Variants in SUPT3H observed in about 807,000 individuals in gnomAD.
SUPT3H encodes the protein transcription initiation protein SPT3 homolog.
Under a neutral mutation model 44.3 loss-of-function variants are expected in SUPT3H, and 44 were observed. That is an observed-to-expected ratio of 0.99 (90% CI 0.78 to 1.28). The LOEUF is 1.28. SUPT3H is among the 50% of genes most tolerant of loss of function. The probability of loss-of-function intolerance (pLI) is 0.00; values close to 1 mark genes in which losing one functional copy is unlikely to be tolerated. For synonymous variants in SUPT3H, 124 were observed against 125.6 expected (o/e 0.99, Z 0.09); for missense variants, 380 against 387.1 (o/e 0.98, Z 0.15).
At chr6:45,071,027 TAATCA>T (rs1794305557) in intron 3 of SUPT3H, among the ~76,000 whole-genome samples, 1 of 152,136 alleles carries the variant, frequency 6.6e-6, no homozygotes, top group Admixed American at 6.5e-5. Context: ...TGATAAAAAG[TAATCA>T]AACCAATACA....
rs546610392 is a variant in SUPT3H at position 45,156,699 on chromosome 6, T to A, written c.102-50693A>T. On this transcript the variant is annotated intron_variant, in intron 2 of 10. Transcript: ENST00000371459. ...TTTATGAGTATAACAAGAAATGAGTTTTTTAAAATGTCCCCATTCTATATT... is the reference window on the plus strand; with the variant it reads ...TTTATGAGTATAACAAGAAATGAGTATTTTAAAATGTCCCCATTCTATATT... 5.9e-5 allele frequency among the ~76,000 whole-genome samples: 9 copies of A among 151,848 alleles called. No individual in the cohort carries two copies. In the East Asian group the frequency reaches 1.7e-3, roughly 29 times the overall value.
intron 5 of SUPT3H, among the ~76,000 whole-genome samples, chr6:45,014,377 A>G (rs911306652): frequency 2.0e-5 from 3 of 152,032 alleles, no homozygotes; most frequent in African/African-American, 4.8e-5. Context: ...TGCTTTTCAT[A>G]TATTATGCTA....
intron 2 of SUPT3H, among the ~76,000 whole-genome samples, chr6:45,230,686 A>ATATATATATATATATATTTT (rs796866510): frequency 1.1e-4 from 13 of 116,818 alleles, no homozygotes; most frequent in African/African-American, 3.1e-4. Flanking sequence ...ATATATATAT[A>ATATATATATATATATATTTT]TTTTTGAGAT....
chr6:44,921,080 T>A (rs1768640185), intron 10 of SUPT3H, among the ~76,000 whole-genome samples: 1 of 152,210 alleles, frequency 6.6e-6, no homozygotes, highest in South Asian at 2.1e-4. Flanking sequence ...TCCTTTGCTA[T>A]ATTTGGATAA....
chr6:45,059,420 A>T (rs2396378), intron 3 of SUPT3H, among the ~76,000 whole-genome samples: 147,741 of 152,214 alleles, frequency 0.97, 71,726 homozygotes, highest in East Asian at 1. Flanking sequence ...ATAAACTAGG[A>T]ATTGAAGGAA....
At chr6:44,905,320 C>G (rs1562013459) in intron 10 of SUPT3H, among the ~76,000 whole-genome samples, 2 of 152,104 alleles carry the variant, frequency 1.3e-5, no homozygotes, top group Non-Finnish European at 2.9e-5. Flanking sequence ...CAACAATTTA[C>G]AAGAAAAAAA....
chr6:45,149,882 G>C (rs1040163610), intron 2 of SUPT3H, among the ~76,000 whole-genome samples: 7 of 152,232 alleles, frequency 4.6e-5, no homozygotes, highest in African/African-American at 1.7e-4. Flanking sequence ...ATCACTTCTT[G>C]GCCTTTTGGC....
At chr6:45,286,604 G>T (rs532975521) in intron 2 of SUPT3H, among the ~76,000 whole-genome samples, 6 of 152,324 alleles carry the variant, frequency 3.9e-5, no homozygotes, top group African/African-American at 1.4e-4. Flanking sequence ...AGGTGCTGGA[G>T]AGGATGTGGA....
intron 2 of SUPT3H, among the ~76,000 whole-genome samples, chr6:45,203,231 C>G (rs964085562): frequency 6.6e-6 from 1 of 152,000 alleles, no homozygotes; most frequent in South Asian, 2.1e-4. Context: ...TGCAAAACAA[C>G]CGAAATAAAG....
chr6:45,367,650 A>C (rs1795371590), intron 1 of SUPT3H, among the ~76,000 whole-genome samples: 1 of 152,192 alleles, frequency 6.6e-6, no homozygotes, highest in African/African-American at 2.4e-5. Flanking sequence ...TCAAAGAGTA[A>C]GTAGTAACCC....
intron 6 of SUPT3H, among the ~76,000 whole-genome samples, chr6:45,001,811 C>CT (rs902502376): frequency 1.1e-4 from 16 of 152,084 alleles, no homozygotes; most frequent in Non-Finnish European, 2.9e-5. Flanking sequence ...ATTGCAGTCT[C>CT]TGAGTCCAAA....
At position 45,342,041 on chromosome 6, in the gene SUPT3H, T is replaced by TGAA. The variant is rs543224627; in HGVS notation, c.101+23157_101+23159dup. Among the ~76,000 whole-genome samples, 219 of 150,508 alleles carry TGAA rather than the reference T, an allele frequency of 1.5e-3. 1 individual carries two copies. The highest frequency in any genetic ancestry group is 5.0e-3 in the African/African-American group (206 of 41,236). ...ACTGGACTGAAAAATATGGGCAAGT[T>TGAA]GAAGAGATATTACAAAGAAACTAAC... On this transcript the variant is annotated intron_variant, in intron 2 of 10. Coordinates refer to ENST00000371459, the MANE Select transcript of SUPT3H (RefSeq NM_003599.4).
chr6:45,056,512 A>T (rs922739277), intron 3 of SUPT3H, among the ~76,000 whole-genome samples: 3 of 152,202 alleles, frequency 2.0e-5, no homozygotes, highest in Non-Finnish European at 4.4e-5. Context: ...AAGAAACAAA[A>T]TAATGCAGCA....
intron 2 of SUPT3H, among the ~76,000 whole-genome samples, chr6:45,358,358 T>C (rs1793614892): frequency 6.6e-6 from 1 of 152,210 alleles, no homozygotes; most frequent in South Asian, 2.1e-4. Flanking sequence ...TAGGTACACA[T>C]GGCTAGTGGC....
At chr6:45,008,395 G>A (rs761309595) in intron 5 of SUPT3H, among the ~76,000 whole-genome samples, 71 of 152,060 alleles carry the variant, frequency 4.7e-4, no homozygotes, top group Admixed American at 2.5e-3. Flanking sequence ...TCGCTCTGTT[G>A]CCAGGCTGGA....
chr6:45,267,773 G>C (rs1775495117), intron 2 of SUPT3H, among the ~76,000 whole-genome samples: 1 of 152,198 alleles, frequency 6.6e-6, no homozygotes, highest in African/African-American at 2.4e-5. Flanking sequence ...GGACTTAAGA[G>C]GCCCTCTGGA....
At chr6:44,980,430 C>T (rs571620231) in intron 6 of SUPT3H, among the ~76,000 whole-genome samples, 7 of 152,200 alleles carry the variant, frequency 4.6e-5, no homozygotes, top group South Asian at 2.1e-4. Flanking sequence ...AATGATGTTA[C>T]GTGAGGGCTT....
chr6:45,283,944 G>C (rs1432995652), intron 2 of SUPT3H, among the ~76,000 whole-genome samples: 1 of 152,104 alleles, frequency 6.6e-6, no homozygotes, highest in Admixed American at 6.6e-5. Flanking sequence ...ACTCAGAACT[G>C]CTCAATTACA....
At chr6:45,171,381 TAAAC>T (rs1810744458) in intron 2 of SUPT3H, among the ~76,000 whole-genome samples, 1 of 152,130 alleles carries the variant, frequency 6.6e-6, no homozygotes, top group Admixed American at 6.5e-5. Flanking sequence ...TTTTACAACA[TAAAC>T]AAGGCAAAAA....
Sources: allele counts gnomAD v4.1 joint callset (sites outside exome capture counted in the v4.1 genomes callset), GRCh38; gene constraint gnomAD v4.1.1; transcripts MANE v1.5; gene names NCBI Gene and HGNC (gene_info 2026-07-23, HGNC 2026-07-21).